Variants in MCF2L2 observed in about 807,000 individuals in gnomAD.
MCF2L2 encodes the protein probable guanine nucleotide exchange factor MCF2L2.
In MCF2L2, 102 loss-of-function variants were observed where a neutral mutation model predicts 150.2. The ratio of observed to expected loss-of-function variants is 0.68; its 90% confidence interval spans 0.58 to 0.80. The LOEUF is 0.80. MCF2L2 is among the 30% of genes least tolerant of loss of function. The pLI is 0.00. For missense variants in MCF2L2, 1,256 were observed against 1,372.8 expected (o/e 0.91, Z 1.34); for synonymous variants, 465 against 491.3 (o/e 0.95, Z 0.71).
intron 5 of MCF2L2, among the ~76,000 whole-genome samples, chr3:183,335,703 A>G (rs1170830827): frequency 1.2e-5 from 1 of 83,604 alleles, no homozygotes; most frequent in Non-Finnish European, 2.1e-5. Flanking sequence ...CCCCCTCTCT[A>G]AAAAAAATTA....
At chr3:183,379,110 T>C (rs896297979) in intron 3 of MCF2L2, 187 bp downstream of exon 3, 30 of 524,816 alleles carry the variant, frequency 5.7e-5, no homozygotes, top group Non-Finnish European at 9.9e-5. Flanking sequence ...GGCTTGTTTG[T>C]CATTGTTTTC....
intron 15 of MCF2L2, among the ~76,000 whole-genome samples, chr3:183,256,392 T>C (rs1725047173): frequency 1.3e-5 from 2 of 152,208 alleles, no homozygotes; most frequent in Non-Finnish European, 2.9e-5. Flanking sequence ...ATAGGGGATG[T>C]AAGAATCTTT....
chr3:183,260,539 T>C (rs1443121864), intron 15 of MCF2L2, among the ~76,000 whole-genome samples: 1 of 152,212 alleles, frequency 6.6e-6, no homozygotes, highest in Non-Finnish European at 1.5e-5. Flanking sequence ...AACTGGTTAC[T>C]GGGAATTATT....
rs779984579 is a variant in MCF2L2, at chr3:183,179,310, G to A, written c.*70C>T. On this transcript the variant is annotated 3_prime_UTR_variant, in exon 30 of 30. Transcript: ENST00000328913. This position sits in a 1 kb window ranked among gnomAD's most constrained non-coding sequence, Gnocchi z 4.2. Reference sequence around the variant, plus strand: ...TTTCTGCGTAGCTGGGCAGGGCCCGGGCCCCCACACCGCCTCTCCCGGGAA... The same window carrying A: ...TTTCTGCGTAGCTGGGCAGGGCCCGAGCCCCCACACCGCCTCTCCCGGGAA... 418 of 1,379,168 alleles carry A rather than the reference G, an allele frequency of 3.0e-4. No homozygotes were observed. The highest frequency in any genetic ancestry group is 3.7e-4 in the Non-Finnish European group (399 of 1,071,646). 85.4% of individuals were successfully genotyped at this position (1,379,168 alleles called of 1,614,324 possible). A position where few individuals can be genotyped will look rare whatever the true frequency, so the allele number is the denominator to read the frequency against.
At chr3:183,288,619 T>A (rs140068828) in intron 14 of MCF2L2, among the ~76,000 whole-genome samples, 312 of 152,118 alleles carry the variant, frequency 2.1e-3, no homozygotes, top group African/African-American at 7.2e-3. Context: ...GTAGCTGGGA[T>A]TACAGGCATC....
intron 14 of MCF2L2, among the ~76,000 whole-genome samples, chr3:183,281,633 T>C (rs1002239738): frequency 6.6e-6 from 1 of 152,140 alleles, no homozygotes; most frequent in Non-Finnish European, 1.5e-5. Flanking sequence ...CCATCATTCA[T>C]GCATTGTGGT....
intron 23 of MCF2L2, among the ~76,000 whole-genome samples, chr3:183,207,246 A>C (rs1243270055): frequency 6.6e-6 from 1 of 152,184 alleles, no homozygotes; most frequent in African/African-American, 2.4e-5. Flanking sequence ...ACACAAAGAT[A>C]CACCGTTGAG....
chr3:183,361,043 G>GA (rs1243955898), intron 3 of MCF2L2, among the ~76,000 whole-genome samples: 76 of 105,694 alleles, frequency 7.2e-4, no homozygotes, highest in African/African-American at 2.6e-3. Flanking sequence ...AAGGAAGAAA[G>GA]GAAAGGAAAG....
chr3:183,278,090 A>C (rs1727262137), intron 14 of MCF2L2, among the ~76,000 whole-genome samples: 2 of 151,632 alleles, frequency 1.3e-5, no homozygotes, highest in Non-Finnish European at 2.9e-5. Context: ...AGGCTGAGGC[A>C]GGAGAATCAC....
At chr3:183,315,327 G>A (rs969634805) in intron 7 of MCF2L2, among the ~76,000 whole-genome samples, 3 of 151,958 alleles carry the variant, frequency 2.0e-5, no homozygotes, top group Admixed American at 6.6e-5. Context: ...ATTCTTAATC[G>A]AGGTAAACAC....
At chr3:183,309,931 A>G in intron 9 of MCF2L2, 96 bp from the exon 10 acceptor site, 1 of 1,455,966 alleles carries the variant, frequency 6.9e-7, no homozygotes, top group South Asian at 1.2e-5. Flanking sequence ...AAATTCCAAA[A>G]AGGATTCAAG....
intron 3 of MCF2L2, among the ~76,000 whole-genome samples, chr3:183,356,979 C>A (rs894184345): frequency 6.6e-6 from 1 of 151,730 alleles, no homozygotes; most frequent in Non-Finnish European, 1.5e-5. Context: ...ATGCTAGAAC[C>A]TAAAAATGTA....
chr3:183,382,066 AT>A (rs1240483500), intron 2 of MCF2L2, among the ~76,000 whole-genome samples: 1 of 151,222 alleles, frequency 6.6e-6, no homozygotes, highest in Non-Finnish European at 1.5e-5. Flanking sequence ...TATTATTATT[AT>A]TATTATTATT....
At chr3:183,298,765 G>GCGCACGCACACACACACACACA in intron 11 of MCF2L2, 1 of 138,584 alleles carries the variant, frequency 7.2e-6, no homozygotes, top group South Asian at 2.4e-4. Context: ...AAACACACAT[G>GCGCACGCACACACACACACACA]CACACACACA....
At chr3:183,257,958 CTTTTTTTTTTTTTTT>C (rs35323502) in intron 15 of MCF2L2, among the ~76,000 whole-genome samples, 1 of 64,724 alleles carries the variant, frequency 1.5e-5, no homozygotes, top group East Asian at 6.0e-4. Flanking sequence ...CCACTTCACC[CTTTTTTTTTTTTTTT>C]TTTTTTTTTT....
chr3:183,221,870 T>G (rs1302220948), intron 20 of MCF2L2, among the ~76,000 whole-genome samples: 3 of 152,222 alleles, frequency 2.0e-5, no homozygotes, highest in African/African-American at 7.2e-5. Flanking sequence ...GCTAATCATC[T>G]GCTTCATAAC....
At chr3:183,301,030 A>G (rs1429353917) in intron 10 of MCF2L2, among the ~76,000 whole-genome samples, 1 of 150,720 alleles carries the variant, frequency 6.6e-6, no homozygotes, top group Non-Finnish European at 1.5e-5. Flanking sequence ...AAAAAAAAAA[A>G]AAAAAAAGAA....
intron 14 of MCF2L2, among the ~76,000 whole-genome samples, chr3:183,286,312 G>T (rs1330754218): frequency 6.6e-6 from 1 of 152,078 alleles, no homozygotes; most frequent in Non-Finnish European, 1.5e-5. Flanking sequence ...ACAATGCTAT[G>T]ATTCACTCTA....
chr3:183,270,733 A>G lies in MCF2L2; in HGVS notation c.1862+6139T>C. 2 of 1,613,542 alleles carry G rather than the reference A, an allele frequency of 1.2e-6. No individual in the cohort carries two copies. On this transcript the variant is annotated intron_variant, in intron 15 of 29. Transcript: ENST00000328913. The surrounding 1 kb of genome is among the most constrained non-coding windows in gnomAD (Gnocchi z 4.5). ...TCTGGAGAGGGTAAAACTCCTTATC[A>G]TCCCTGCATCTATGAAAAAATGATG... is the stretch of plus-strand genomic sequence containing the variant.
Sources: gnomAD v4.1 joint callset for allele counts (sites outside exome capture counted in the v4.1 genomes callset) on GRCh38, gnomAD v4.1.1 for gene constraint, Gnocchi (gnomAD v3.1) non-coding constraint, MANE v1.5 for transcripts, NCBI Gene and HGNC (gene_info 2026-07-23, HGNC 2026-07-21) for gene names.